Variants in PRKG1 observed in about 807,000 individuals in gnomAD.
PRKG1 encodes the protein protein kinase cGMP-dependent 1.
In PRKG1, 35 loss-of-function variants were observed where a neutral mutation model predicts 88.1. The observed-to-expected ratio is 0.40, with a 90% CI of 0.30 to 0.53. The LOEUF is 0.53. PRKG1 is among the 20% of genes least tolerant of loss of function. The pLI is 0.59. For missense variants in PRKG1, 540 were observed against 839.8 expected, an observed-to-expected ratio of 0.64 and a Z score of 4.41; for synonymous variants, 303 against 292.5, an observed-to-expected ratio of 1.04 and a Z score of -0.37.
At chr10:51,839,599 C>A (rs1840217496) in intron 4 of PRKG1, among the ~76,000 whole-genome samples, 2 of 152,282 alleles carry the variant, frequency 1.3e-5, no homozygotes, top group African/African-American at 4.8e-5. Flanking sequence ...TATTGAAAAC[C>A]AGCCAGATAG....
At chr10:51,658,628 G>A (rs914955260) in intron 3 of PRKG1, among the ~76,000 whole-genome samples, 16 of 151,868 alleles carry the variant, frequency 1.1e-4, no homozygotes, top group Non-Finnish European at 2.2e-4. Context: ...AGCATAACTC[G>A]TAGCAAGAGA....
At chr10:51,484,888 G>T (rs1262215050) in intron 3 of PRKG1, among the ~76,000 whole-genome samples, 1 of 152,166 alleles carries the variant, frequency 6.6e-6, no homozygotes, top group African/African-American at 2.4e-5. Context: ...AGTACGTCCA[G>T]ATTCTATCTG....
intron 2 of PRKG1, among the ~76,000 whole-genome samples, chr10:51,316,048 C>T (rs1380702555): frequency 2.0e-5 from 3 of 152,138 alleles, no homozygotes; most frequent in Non-Finnish European, 2.9e-5. Context: ...CAGTAACATT[C>T]CCAGAGCCAT....
At chr10:52,086,453 G>A (rs1040091465) in intron 7 of PRKG1, among the ~76,000 whole-genome samples, 1 of 146,446 alleles carries the variant, frequency 6.8e-6, no homozygotes, top group Non-Finnish European at 1.5e-5. Context: ...CACCCAGGCT[G>A]AAGTGCAGTG....
intron 3 of PRKG1, among the ~76,000 whole-genome samples, chr10:51,742,936 G>A (rs919725432): frequency 3.9e-5 from 6 of 151,952 alleles, no homozygotes; most frequent in African/African-American, 1.5e-4. Flanking sequence ...TGCATGCAGG[G>A]CTTAAAACCT....
chr10:51,308,245 A>G (rs1157682623), intron 2 of PRKG1, among the ~76,000 whole-genome samples: 1 of 152,118 alleles, frequency 6.6e-6, no homozygotes, highest in Non-Finnish European at 1.5e-5. Context: ...TGGCAGGGAA[A>G]CTGGTTAAGT....
intron 2 of PRKG1, among the ~76,000 whole-genome samples, chr10:51,196,773 AT>A (rs201830353): frequency 6.6e-6 from 1 of 152,134 alleles, no homozygotes; most frequent in East Asian, 1.9e-4. Context: ...ACATGTGTAT[AT>A]TTTTTGTACT....
intron 2 of PRKG1, among the ~76,000 whole-genome samples, chr10:51,290,045 T>C (rs182890241): frequency 4.4e-4 from 67 of 152,252 alleles, no homozygotes; most frequent in African/African-American, 4.8e-5. Context: ...TAATTTGCTG[T>C]CATCAAGTGA....
At chr10:51,032,268 A>C (rs1392059507) in intron 1 of PRKG1, among the ~76,000 whole-genome samples, 1 of 151,958 alleles carries the variant, frequency 6.6e-6, no homozygotes, top group African/African-American at 2.4e-5. Flanking sequence ...GCTGGTATTT[A>C]GTATTGACAG....
chr10:51,330,215 A>G (rs926695296), intron 2 of PRKG1, among the ~76,000 whole-genome samples: 2 of 149,788 alleles, frequency 1.3e-5, no homozygotes, highest in Non-Finnish European at 3.0e-5. Flanking sequence ...CAGTGTTGCA[A>G]TCTCAGCTCA....
intron 5 of PRKG1, among the ~76,000 whole-genome samples, chr10:52,026,207 A>G (rs1845333064): frequency 6.6e-6 from 1 of 152,208 alleles, no homozygotes; most frequent in Admixed American, 6.5e-5. Context: ...ATTAAAATAT[A>G]TTACCTGGAA....
chr10:51,135,280 G>A (rs1845660926), intron 1 of PRKG1, among the ~76,000 whole-genome samples: 1 of 152,150 alleles, frequency 6.6e-6, no homozygotes. Flanking sequence ...ACCTTTTTAG[G>A]CAGAGAGAAT....
At chr10:51,804,111 T>C (rs552915596) in intron 3 of PRKG1, among the ~76,000 whole-genome samples, 3 of 152,270 alleles carry the variant, frequency 2.0e-5, no homozygotes, top group African/African-American at 7.2e-5. Flanking sequence ...ATTATTTCTA[T>C]TATATAAATT....
At chr10:51,680,155 TTTAA>T (rs1456477016) in intron 3 of PRKG1, among the ~76,000 whole-genome samples, 1 of 152,154 alleles carries the variant, frequency 6.6e-6, no homozygotes, top group Non-Finnish European at 1.5e-5. Context: ...CACCTCAGCC[TTTAA>T]TTAGCCACGA....
intron 1 of PRKG1, among the ~76,000 whole-genome samples, chr10:51,091,485 CA>C (rs1218523242): frequency 1.3e-5 from 2 of 152,086 alleles, no homozygotes; most frequent in East Asian, 3.8e-4. Context: ...TTACAAATAT[CA>C]ATTTACTTGA....
intron 7 of PRKG1, among the ~76,000 whole-genome samples, chr10:52,086,739 G>C (rs976697648): frequency 2.6e-5 from 4 of 151,918 alleles, no homozygotes; most frequent in Admixed American, 1.3e-4. Flanking sequence ...CGCTATATGT[G>C]GGCATTTGAA....
intron 17 of PRKG1, 21 bp from the exon 18 acceptor site, chr10:52,293,781 A>C (rs772101906): frequency 6.3e-7 from 1 of 1,591,578 alleles, no homozygotes; most frequent in African/African-American, 1.4e-5. Flanking sequence ...CCACTAAAAA[A>C]AACCTGTCCA....
intron 2 of PRKG1, among the ~76,000 whole-genome samples, chr10:51,425,078 A>G (rs1838537699): frequency 6.6e-6 from 1 of 151,928 alleles, no homozygotes; most frequent in African/African-American, 2.4e-5. Flanking sequence ...GCTACGTATC[A>G]GGTATTTTGT....
chr10:52,008,093 C>T (rs1844785203), intron 5 of PRKG1, among the ~76,000 whole-genome samples: 1 of 152,034 alleles, frequency 6.6e-6, no homozygotes, highest in Non-Finnish European at 1.5e-5. Flanking sequence ...AACAAAGATA[C>T]AACATACCAG....
Sources: gnomAD v4.1 joint callset for allele counts (sites outside exome capture counted in the v4.1 genomes callset) on GRCh38, gnomAD v4.1.1 for gene constraint, MANE v1.5 for transcripts, NCBI Gene and HGNC (gene_info 2026-07-23, HGNC 2026-07-21) for gene names.